The following IBTK variants were observed in gnomAD, a reference collection of about 807,000 sequenced individuals.
The protein encoded by IBTK is inhibitor of Bruton tyrosine kinase.
A neutral mutation model predicts 154.9 loss-of-function variants in IBTK; 83 were observed. The observed-to-expected ratio is 0.54, with a 90% CI of 0.45 to 0.64. IBTK has a LOEUF of 0.64. Among genes scored for constraint, IBTK ranks in the 30% least tolerant of loss-of-function variants. IBTK has a pLI of 0.00. For missense variants in IBTK, 1,332 were observed against 1,584.6 expected, an observed-to-expected ratio of 0.84 and a Z score of 2.71; for synonymous variants, 515 against 536.1, an observed-to-expected ratio of 0.96 and a Z score of 0.54.
intron 13 of IBTK, among the ~76,000 whole-genome samples, chr6:82,212,266 G>A (rs577969217): frequency 3.9e-5 from 6 of 152,156 alleles, no homozygotes; most frequent in South Asian, 2.1e-4. Context: ...GATTACAGGC[G>A]TGAGCCACCA....
At chr6:82,172,078 C>T (rs1472655953) in intron 28 of IBTK, among the ~76,000 whole-genome samples, 1 of 152,066 alleles carries the variant, frequency 6.6e-6, no homozygotes, top group Non-Finnish European at 1.5e-5. Flanking sequence ...AAGCCAAGTG[C>T]AGCACTAGAG....
At chr6:82,186,566 C>T (rs1225984721) in intron 25 of IBTK, among the ~76,000 whole-genome samples, 1 of 152,100 alleles carries the variant, frequency 6.6e-6, no homozygotes, top group Admixed American at 6.6e-5. Context: ...TTGTGACTTG[C>T]TTTATTGCGA....
Position 82,211,403 on chromosome 6 carries a change from T to C in IBTK, c.2376A>G (p.Glu792=), listed in dbSNP as rs2127813264. The change falls in exon 15 of 29, where the codon GAA becomes GAG. Residue 792 remains glutamate (E), a splice_region_variant and synonymous_variant. Transcript: ENST00000306270. Reference sequence around the variant, plus strand: ...AGCTACTCAGCATACTATGAAAATATTCTAAAAGAAAAAAAAGTTCAATGC... The same window carrying C: ...AGCTACTCAGCATACTATGAAAATACTCTAAAAGAAAAAAAAGTTCAATGC... The part of the protein sequence containing the change: ...CHKCVLCARL[E]YFHSMLSSSW... The C allele has an allele frequency of 3.1e-6, 5 of 1,609,314 alleles. No homozygotes were observed. The highest frequency in any genetic ancestry group is 2.2e-5 in the East Asian group (1 of 44,778).
At chr6:82,190,035 T>C (rs189291251) in intron 25 of IBTK, among the ~76,000 whole-genome samples, 1 of 152,252 alleles carries the variant, frequency 6.6e-6, no homozygotes, top group East Asian at 1.9e-4. Flanking sequence ...TAACAAATAC[T>C]GATAAATTTT....
chr6:82,194,908 T>G (rs570893199), intron 22 of IBTK, among the ~76,000 whole-genome samples: 1 of 152,098 alleles, frequency 6.6e-6, no homozygotes, highest in Non-Finnish European at 1.5e-5. Flanking sequence ...TCTACACAAA[T>G]AGTTAACATG....
chr6:82,172,689 G>T (rs1015084389), intron 27 of IBTK, 177 bp from the exon 28 acceptor site: 1 of 561,902 alleles, frequency 1.8e-6, no homozygotes, highest in African/African-American at 1.9e-5. Flanking sequence ...CTAAATTTTT[G>T]CATGCAAAAT....
At chr6:82,191,910 C>G (rs1189603157) in intron 23 of IBTK, 31 bp from the exon 24 acceptor site, 1 of 1,362,554 alleles carries the variant, frequency 7.3e-7, no homozygotes. Flanking sequence ...CTTTGCAAAG[C>G]ATTCATTTAC....
chr6:82,230,259 C>A (rs975682345), intron 4 of IBTK, among the ~76,000 whole-genome samples: 4 of 152,060 alleles, frequency 2.6e-5, no homozygotes, highest in African/African-American at 7.2e-5. Flanking sequence ...TATTCTGGAT[C>A]AAAGAAGTTT....
At chr6:82,175,082 G>A in intron 26 of IBTK, 1 of 448,298 alleles carries the variant, frequency 2.2e-6, no homozygotes, top group Non-Finnish European at 4.5e-6. Flanking sequence ...AGTCTCTTGG[G>A]GAACAGGACT....
chr6:82,247,509 G>A (rs1045324821), intron 1 of IBTK, 53 bp downstream of exon 1: 1 of 398,720 alleles, frequency 2.5e-6, no homozygotes, highest in Non-Finnish European at 4.4e-6. Flanking sequence ...CCCTGCCCCC[G>A]GGCTGAAGGG....
At chr6:82,239,612 T>C (rs1239024108) in intron 2 of IBTK, among the ~76,000 whole-genome samples, 1 of 123,604 alleles carries the variant, frequency 8.1e-6, no homozygotes, top group African/African-American at 3.0e-5. Flanking sequence ...CAGTAAACAG[T>C]AAAATGAAAC....
At chr6:82,220,849 G>C (rs1291248749) in intron 8 of IBTK, 136 bp from the exon 9 acceptor site, 1 of 622,706 alleles carries the variant, frequency 1.6e-6, no homozygotes. Context: ...TTGGTCTTTG[G>C]TATCTCTAGC....
chr6:82,194,065 C>A (rs1343034143), intron 23 of IBTK, among the ~76,000 whole-genome samples: 1 of 151,974 alleles, frequency 6.6e-6, no homozygotes, highest in East Asian at 1.9e-4. Flanking sequence ...AAATTAATAT[C>A]CTCTGAAAAT....
At chr6:82,216,515 C>T (rs1769880226) in intron 10 of IBTK, among the ~76,000 whole-genome samples, 1 of 152,134 alleles carries the variant, frequency 6.6e-6, no homozygotes, top group Non-Finnish European at 1.5e-5. Context: ...ATACTGCAAC[C>T]AAAGTTCCCT....
intron 26 of IBTK, among the ~76,000 whole-genome samples, chr6:82,180,182 A>G (rs1768267483): frequency 6.6e-6 from 1 of 152,196 alleles, no homozygotes; most frequent in African/African-American, 2.4e-5. Context: ...ATTGTAATTT[A>G]TAAATATGCA....
At chr6:82,240,096 GATGT>G in intron 2 of IBTK, 66 bp downstream of exon 2, 1 of 1,310,518 alleles carries the variant, frequency 7.6e-7, no homozygotes, top group Non-Finnish European at 1.1e-6. Context: ...AAGCATGTAG[GATGT>G]ATGAAAATGA....
intron 17 of IBTK, among the ~76,000 whole-genome samples, chr6:82,203,126 TATATATACATGTAAGTATATAA>T (rs1769273097): frequency 6.6e-6 from 1 of 152,090 alleles, no homozygotes; most frequent in Admixed American, 6.6e-5. Context: ...TGTGGGTGTA[TATATATACATGTAAGTATATAA>T]ATATATACAT....
At chr6:82,192,695 T>A (rs1218716874) in intron 23 of IBTK, among the ~76,000 whole-genome samples, 1 of 142,354 alleles carries the variant, frequency 7.0e-6, no homozygotes, top group African/African-American at 2.6e-5. Context: ...TGCAGTGAGC[T>A]GAGATCATAC....
chr6:82,209,341 T>TA (rs1384017605), intron 16 of IBTK, among the ~76,000 whole-genome samples: 1 of 152,204 alleles, frequency 6.6e-6, no homozygotes, highest in Non-Finnish European at 1.5e-5. Context: ...AACTGATGAA[T>TA]AAATGTGTTA....
Sources: allele counts gnomAD v4.1 joint callset (sites outside exome capture counted in the v4.1 genomes callset), GRCh38; gene constraint gnomAD v4.1.1; transcripts MANE v1.5; gene names NCBI Gene and HGNC (gene_info 2026-07-23, HGNC 2026-07-21).